ESR1: variants seen among roughly 807,000 people sequenced by gnomAD.
ESR1 encodes the protein estrogen receptor.
A neutral mutation model predicts 52.7 loss-of-function variants in ESR1; 12 were observed. The observed-to-expected ratio is 0.23, with a 90% confidence interval of 0.15 to 0.37. The LOEUF is 0.37. ESR1 is among the 10% of genes least tolerant of loss of function. The pLI is 1.00. For missense variants in ESR1, 584 were observed against 779.7 expected, an observed-to-expected ratio of 0.75 and a Z score of 2.99; for synonymous variants, 305 against 316.8, an observed-to-expected ratio of 0.96 and a Z score of 0.39.
intron 5 of ESR1, among the ~76,000 whole-genome samples, chr6:152,058,668 A>C (rs562603235): frequency 1.5e-4 from 21 of 142,702 alleles, no homozygotes; most frequent in African/African-American, 5.8e-4. Flanking sequence ...TGTGTCTTGC[A>C]CCTGGCTTTC....
At chr6:152,081,938 C>A (rs1334698936) in intron 6 of ESR1, among the ~76,000 whole-genome samples, 4 of 152,166 alleles carry the variant, frequency 2.6e-5, no homozygotes, top group African/African-American at 9.7e-5. Flanking sequence ...GAAGTTGAAT[C>A]TCTGAAGACA....
At chr6:151,849,990 A>G (rs1248889050) in intron 2 of ESR1, among the ~76,000 whole-genome samples, 2 of 110,512 alleles carry the variant, frequency 1.8e-5, no homozygotes. Flanking sequence ...ATATATATAT[A>G]TATATATATA....
At chr6:151,679,600 C>G (rs1778380232) in intron 1 of ESR1, among the ~76,000 whole-genome samples, 1 of 152,210 alleles carries the variant, frequency 6.6e-6, no homozygotes, top group Non-Finnish European at 1.5e-5. Flanking sequence ...GGCGATCTGC[C>G]TGCCTCAGCC....
intron 3 of ESR1, among the ~76,000 whole-genome samples, chr6:151,941,447 C>G (rs1055263367): frequency 1.3e-5 from 2 of 152,176 alleles, no homozygotes; most frequent in Non-Finnish European, 2.9e-5. Flanking sequence ...CTTCTCAAAA[C>G]TCTGACCTCA....
chr6:152,032,823 G>A (rs1293562285), intron 5 of ESR1, among the ~76,000 whole-genome samples: 2 of 152,100 alleles, frequency 1.3e-5, no homozygotes, highest in Admixed American at 6.6e-5. Flanking sequence ...AAAAGAGCCC[G>A]CATTGCCAAG....
At chr6:151,782,008 T>C (rs1291251627) in intron 2 of ESR1, among the ~76,000 whole-genome samples, 1 of 152,232 alleles carries the variant, frequency 6.6e-6, no homozygotes, top group Non-Finnish European at 1.5e-5. Context: ...GGAAAAGTTC[T>C]TCATTAACTG....
intron 1 of ESR1, among the ~76,000 whole-genome samples, chr6:151,700,668 CTTTTTTTTTT>C (rs34905961): frequency 4.3e-5 from 5 of 117,224 alleles, no homozygotes; most frequent in African/African-American, 1.3e-4. Flanking sequence ...TTAAACTTTC[CTTTTTTTTTT>C]TTTTTTTTTT....
At chr6:151,978,776 A>C (rs917157211) in intron 4 of ESR1, among the ~76,000 whole-genome samples, 21 of 152,112 alleles carry the variant, frequency 1.4e-4, no homozygotes, top group African/African-American at 4.8e-4. Flanking sequence ...TTACATTTCA[A>C]AAAAAGAGGG....
chr6:151,831,983 G>A (rs1297605550), intron 1 of ESR1, among the ~76,000 whole-genome samples: 1 of 152,066 alleles, frequency 6.6e-6, no homozygotes, highest in Non-Finnish European at 1.5e-5. Flanking sequence ...TCTATCTCCA[G>A]TCATTTTTGT....
chr6:151,726,549 G>C (rs572088973), intron 2 of ESR1, among the ~76,000 whole-genome samples: 1 of 152,244 alleles, frequency 6.6e-6, no homozygotes, highest in East Asian at 1.9e-4. Context: ...TATTAGCCAG[G>C]ATGGTCTTGA....
chr6:151,764,492 G>T (rs563735290), intron 2 of ESR1, among the ~76,000 whole-genome samples: 56 of 152,200 alleles, frequency 3.7e-4, no homozygotes, highest in South Asian at 1.0e-3. Flanking sequence ...GACGGCCAGT[G>T]GGGGGCTGCT....
intron 2 of ESR1, among the ~76,000 whole-genome samples, chr6:151,787,247 C>T (rs1227106819): frequency 1.3e-5 from 2 of 152,060 alleles, no homozygotes; most frequent in East Asian, 1.9e-4. Flanking sequence ...TTATTGTAGC[C>T]CTGTAGTATG....
chr6:152,050,139 A>T (rs972466321), intron 5 of ESR1, among the ~76,000 whole-genome samples: 1 of 152,256 alleles, frequency 6.6e-6, no homozygotes, highest in African/African-American at 2.4e-5. Flanking sequence ...TTAAGCTAGG[A>T]AAAGCAGAGA....
chr6:152,063,460 C>T (rs991346504), intron 6 of ESR1, among the ~76,000 whole-genome samples: 4 of 152,298 alleles, frequency 2.6e-5, no homozygotes, highest in Middle Eastern at 3.4e-3. Context: ...CCCAGAAAAG[C>T]GGATCTGCTG....
intron 2 of ESR1, among the ~76,000 whole-genome samples, chr6:151,864,924 A>G (rs1157834130): frequency 8.5e-6 from 1 of 117,196 alleles, no homozygotes; most frequent in Non-Finnish European, 1.6e-5. Context: ...AACATTACAC[A>G]CTGGGGCCTG....
exon 7 of ESR1, chr6:152,126,495 C>G (rs1000291944): frequency 2.6e-5 from 4 of 152,138 alleles, no homozygotes; most frequent in African/African-American, 4.8e-5. Flanking sequence ...ACATGGATGC[C>G]AGTTTAGATT....
At chr6:151,891,681 G>A (rs567469261) in intron 3 of ESR1, among the ~76,000 whole-genome samples, 215 of 152,162 alleles carry the variant, frequency 1.4e-3, no homozygotes, top group Non-Finnish European at 2.5e-3. Context: ...ATTGTTATGC[G>A]TCTGCCTGGC....
At chr6:152,048,465 C>A (rs2046413811) in intron 5 of ESR1, among the ~76,000 whole-genome samples, 1 of 151,664 alleles carries the variant, frequency 6.6e-6, no homozygotes, top group South Asian at 2.1e-4. Flanking sequence ...CTCTTATAAG[C>A]CCCATTCTTT....
At chr6:151,882,593 G>A (rs541515763) in intron 3 of ESR1, among the ~76,000 whole-genome samples, 32 of 152,286 alleles carry the variant, frequency 2.1e-4, no homozygotes, top group African/African-American at 7.2e-4. Context: ...TTGAAACAGT[G>A]GAGTCGAGGT....
Sources: allele counts gnomAD v4.1 joint callset (sites outside exome capture counted in the v4.1 genomes callset), GRCh38; gene constraint gnomAD v4.1.1; transcripts MANE v1.5; gene names NCBI Gene and HGNC (gene_info 2026-07-23, HGNC 2026-07-21).